Variants in TRANK1 observed in about 807,000 individuals in gnomAD.
TRANK1 encodes the protein TPR and ankyrin repeat-containing protein 1.
In TRANK1, 198 loss-of-function variants were observed where a neutral mutation model predicts 266.0. The ratio of observed to expected loss-of-function variants is 0.74; its 90% confidence interval spans 0.66 to 0.84. TRANK1 has a LOEUF of 0.84. Ranked by LOEUF, TRANK1 falls within the 40% of genes least tolerant of loss-of-function variation. The probability of loss-of-function intolerance (pLI) is 0.00; values close to 1 mark genes in which losing one functional copy is unlikely to be tolerated. For synonymous variants in TRANK1, 1,396 were observed against 1,384.1 expected, an observed-to-expected ratio of 1.01 and a Z score of -0.19; for missense variants, 3,326 against 3,634.6, an observed-to-expected ratio of 0.92 and a Z score of 2.18.
Position 36,889,828 on chromosome 3 carries a change from C to T in TRANK1, c.907+1G>A, listed in dbSNP as rs747606785. On this transcript the variant is annotated splice_donor_variant, in intron 8 of 23. Transcript: ENST00000645898. LOFTEE classifies it high-confidence loss of function. Reference sequence around the variant, plus strand: ...ACCCTCTGGGTAATGCCACTACTCACGCTTAACGAGGTATCCTGGGGAGTG... The same window carrying T: ...ACCCTCTGGGTAATGCCACTACTCATGCTTAACGAGGTATCCTGGGGAGTG... The T allele has an allele frequency of 7.2e-6, 11 of 1,534,980 alleles. No individual in the cohort carries two copies. Among genetic ancestry groups the T allele is most frequent in the South Asian group, 1.2e-5 (1 of 83,702 alleles).
At chr3:36,939,591 A>G (rs1273469422) in intron 1 of TRANK1, among the ~76,000 whole-genome samples, 2 of 152,214 alleles carry the variant, frequency 1.3e-5, no homozygotes, top group Admixed American at 6.5e-5. Context: ...CAAGGACAGT[A>G]TCACATACAT....
At position 36,858,712 on chromosome 3, in the gene TRANK1, G is replaced by A; in HGVS notation, c.1672+6C>T. 2.0e-6 allele frequency: 3 copies of A among 1,504,434 alleles called. No individual in the cohort carries two copies. Among genetic ancestry groups the A allele is most frequent in the Non-Finnish European group, 2.7e-6 (3 of 1,129,570 alleles). The allele number at this position is 1,504,434 out of a possible 1,614,324, so 93.2% of individuals were successfully genotyped here. ...GGAGACGGCTGCTTAAAAAACAAGG[G>A]CTTACCTTTAATCTCTAGAAAGATG... On this transcript the variant is annotated splice_donor_region_variant and intron_variant, in intron 12 of 23. Coordinates refer to ENST00000645898, the MANE Select transcript of TRANK1 (RefSeq NM_001329998.2).
intron 1 of TRANK1, among the ~76,000 whole-genome samples, chr3:36,920,066 T>A (rs1420683644): frequency 1.3e-5 from 2 of 152,226 alleles, no homozygotes; most frequent in Non-Finnish European, 2.9e-5. Context: ...TCCTATGCGG[T>A]ACACAAACTA....
chr3:36,910,214 A>T (rs1262809828), intron 1 of TRANK1, among the ~76,000 whole-genome samples: 1 of 152,260 alleles, frequency 6.6e-6, no homozygotes, highest in East Asian at 1.9e-4. Flanking sequence ...CTAGTGCATA[A>T]GTAAATCAAA....
In TRANK1 at chr3:36,932,479, C is replaced by T. The variant is rs552120176; in HGVS notation, c.23+12308G>A. ...TCGGGAGCCTAAGGCAGGAGAATCG[C>T]TTGAACCTGGGAGGTGGAGGTCGCA... is the stretch of plus-strand genomic sequence containing the variant. On this transcript the variant is annotated intron_variant, in intron 1 of 23. Coordinates refer to ENST00000645898, the MANE Select transcript of TRANK1 (RefSeq NM_001329998.2). Among the ~76,000 whole-genome samples, 3 of 152,320 alleles carry T rather than the reference C, an allele frequency of 2.0e-5. No homozygotes were observed. The South Asian group carries it at 6.2e-4, about 32-fold the overall frequency.
rs920927684 is a variant in TRANK1 at position 36,895,549 on chromosome 3, A to C, written c.552+91T>G. The C allele has an allele frequency of 7.8e-6, 6 of 769,796 alleles. No homozygotes were observed. The African/African-American group carries it at 1.1e-4, about 14-fold the overall frequency. 47.7% of individuals were successfully genotyped at this position (769,796 alleles called of 1,614,324 possible). On this transcript the variant is annotated intron_variant, in intron 5 of 23. Transcript: ENST00000645898. Reference sequence around the variant, plus strand: ...ATTTACCCTGGCATCAAGATCAACAAATAATAAATTACAATCCCTCAATGC... The same window carrying C: ...ATTTACCCTGGCATCAAGATCAACACATAATAAATTACAATCCCTCAATGC...
chr3:36,880,093 T>TATGTAAACATGC (rs1559449985), intron 8 of TRANK1: 1 of 116,538 alleles, frequency 8.6e-6, no homozygotes, highest in East Asian at 2.9e-4. Flanking sequence ...TAAACATATA[T>TATGTAAACATGC]AAATATATAT....
At chr3:36,866,719 A>G (rs187054420) in intron 9 of TRANK1, among the ~76,000 whole-genome samples, 2 of 152,380 alleles carry the variant, frequency 1.3e-5, no homozygotes, top group Non-Finnish European at 2.9e-5. Flanking sequence ...AACAGCCGCT[A>G]TAAGTCCAAA....
intron 3 of TRANK1, among the ~76,000 whole-genome samples, chr3:36,901,257 G>A (rs2079877897): frequency 6.6e-6 from 1 of 152,144 alleles, no homozygotes; most frequent in South Asian, 2.1e-4. Flanking sequence ...TGATTAAAAA[G>A]CAGAAACTCT....
Position 36,831,003 on chromosome 3 carries a change from C to A in TRANK1, c.8580G>T (p.Glu2860Asp). 6.2e-7 allele frequency: 1 copy of A among 1,614,038 alleles called. No homozygotes were observed. The highest frequency in any genetic ancestry group is 1.1e-5 in the South Asian group (1 of 91,088). Reference protein sequence around the residue: ...DEGKLVVQDIEQSVWIHSHVG... With the variant: ...DEGKLVVQDIDQSVWIHSHVG... ...CGTGACTGTGGATCCATACACTTTG[C>A]TCGATGTCCTGCACCACCAGCTTGC... The change falls in exon 22 of 24, where the codon GAG becomes GAT. Residue 2860 changes from glutamate to aspartate, a missense_variant. Physicochemically the swap from Glu to Asp is conservative, Grantham distance 45. Coordinates refer to ENST00000645898, the MANE Select transcript of TRANK1 (RefSeq NM_001329998.2). The surrounding 1 kb of genome is among the most constrained non-coding windows in gnomAD (Gnocchi z 5.0).
At chr3:36,927,569 C>T (rs1052368510) in intron 1 of TRANK1, among the ~76,000 whole-genome samples, 44 of 152,278 alleles carry the variant, frequency 2.9e-4, no homozygotes, top group African/African-American at 1.0e-3. Context: ...ACTTTGTCTC[C>T]TGGCAGTCAG....
intron 9 of TRANK1, among the ~76,000 whole-genome samples, chr3:36,866,453 G>A (rs2125562447): frequency 6.6e-6 from 1 of 152,340 alleles, no homozygotes; most frequent in Admixed American, 6.5e-5. Context: ...AGACCAGTAG[G>A]TGAGTGGGGG....
At chr3:36,942,482 C>CAAAAAAAAAA (rs565174922) in intron 1 of TRANK1, among the ~76,000 whole-genome samples, 6 of 79,942 alleles carry the variant, frequency 7.5e-5, no homozygotes, top group African/African-American at 1.4e-4. Context: ...TCTTCTTCCT[C>CAAAAAAAAAA]AAAAAAAAAA....
chr3:36,867,827 A>G (rs1212889975), intron 9 of TRANK1, among the ~76,000 whole-genome samples: 1 of 152,256 alleles, frequency 6.6e-6, no homozygotes, highest in Non-Finnish European at 1.5e-5. Context: ...CATTCCTTTC[A>G]ACAGAATTTC....
intron 1 of TRANK1, among the ~76,000 whole-genome samples, chr3:36,924,077 A>C (rs902022257): frequency 6.6e-6 from 1 of 152,144 alleles, no homozygotes; most frequent in Non-Finnish European, 1.5e-5. Flanking sequence ...TGTCTTGGAC[A>C]TTGCTAAATC....
chr3:36,878,430 AAC>A (rs2125581164), intron 8 of TRANK1, among the ~76,000 whole-genome samples: 1 of 152,338 alleles, frequency 6.6e-6, no homozygotes, highest in African/African-American at 2.4e-5. Flanking sequence ...CTAAACTACC[AAC>A]ATCTCTAACC....
At chr3:36,859,915 A>C (rs1250075614) in intron 11 of TRANK1, among the ~76,000 whole-genome samples, 1 of 152,166 alleles carries the variant, frequency 6.6e-6, no homozygotes, top group African/African-American at 2.4e-5. Flanking sequence ...CCAACACCTA[A>C]AGGCTCTGCA....
At chr3:36,912,921 T>C (rs1174680997) in intron 1 of TRANK1, among the ~76,000 whole-genome samples, 4 of 151,844 alleles carry the variant, frequency 2.6e-5, no homozygotes, top group African/African-American at 9.7e-5. Context: ...TTGCTTTTTT[T>C]GTTTAGGGTT....
chr3:36,851,850 G>A lies in TRANK1; in HGVS notation c.4756C>T (p.Leu1586Phe). 1.3e-6 allele frequency: 2 copies of A among 1,594,216 alleles called. No individual in the cohort carries two copies. The highest frequency in any genetic ancestry group is 8.5e-7 in the Non-Finnish European group (1 of 1,171,364). Reference sequence around the variant, plus strand: ...TCCTTTGCCGTTTCATTGGCCACAAGGATTACCTGAAGAAAAACAAAAGAA... The same window carrying A: ...TCCTTTGCCGTTTCATTGGCCACAAAGATTACCTGAAGAAAAACAAAAGAA... The part of the protein sequence containing the change: ...PIEFGAHQVI[L>F]VANETAKEKI... The change falls in exon 15 of 24, where the codon CTT becomes TTT. Residue 1586 changes from leucine to phenylalanine, a missense_variant. Physicochemically the swap from Leu to Phe is conservative, Grantham distance 22 (BLOSUM62 0). Coordinates refer to ENST00000645898, the MANE Select transcript of TRANK1 (RefSeq NM_001329998.2).
Sources: gnomAD v4.1 joint callset for allele counts (sites outside exome capture counted in the v4.1 genomes callset) on GRCh38, gnomAD v4.1.1 for gene constraint, Gnocchi (gnomAD v3.1) non-coding constraint, MANE v1.5 for transcripts, NCBI Gene and HGNC (gene_info 2026-07-23, HGNC 2026-07-21) for gene names.